DENND4B: variants seen among roughly 807,000 people sequenced by gnomAD.
DENND4B encodes DENN domain-containing protein 4B.
DENND4B carries 67 observed loss-of-function variants against 161.0 expected under a neutral mutation model. That is an observed-to-expected ratio of 0.42 (90% CI 0.34 to 0.51). The LOEUF is 0.51. Ranked by LOEUF, DENND4B falls within the 20% of genes least tolerant of loss-of-function variation. DENND4B has a pLI of 0.08. For synonymous variants in DENND4B, 753 were observed against 813.8 expected (o/e 0.93, Z 1.27); for missense variants, 1,481 against 1,968.0 (o/e 0.75, Z 4.68).
rs762550629 is a variant in DENND4B at position 153,942,906 on chromosome 1, C to T, written c.542G>A (p.Arg181Gln). The T allele has an allele frequency of 6.2e-6, 10 of 1,602,496 alleles. No homozygotes were observed. The highest frequency in any genetic ancestry group is 3.4e-5 in the Admixed American group (2 of 59,602). Residue 181 changes from arginine to glutamine, a missense_variant, in exon 3 of 28, where the codon CGG becomes CAG. Transcript: ENST00000361217. The surrounding 1 kb of genome is among the most constrained non-coding windows in gnomAD (Gnocchi z 6.9). The stretch of plus-strand genomic sequence containing the variant: ...GCCAGGGTTGAGGTTGCGGGGCAGC[C>T]GGCAGTAAGTATGAGGAGTGCCCTC... ...KGEGTPHTYC[R>Q]LPRNLNPGMW... is the part of the protein sequence containing the mutation.
Position 153,940,234 on chromosome 1 carries a change from A to G in DENND4B, c.1525T>C (p.Ser509Pro), listed in dbSNP as rs1679590711. ...GGTCTGCGGGGCAGGGTCCGAGGGG[A>G]GAGGAGCTTCTTTTCCTCAGTCCTG... Reference protein sequence around the residue: ...LFQTEEKKLLSPRTLPRRPYK... With the variant: ...LFQTEEKKLLPPRTLPRRPYK... The change falls in exon 11 of 28, where the codon TCC becomes CCC. Residue 509 changes from serine to proline, a missense_variant. Around this residue, in one of 3 missense-constraint regions of DENND4B, gnomAD observed 806 missense variants for 1,134.4 expected, o/e 0.71. Transcript: ENST00000361217. This position sits in a 1 kb window ranked among gnomAD's most constrained non-coding sequence, Gnocchi z 5.6. 2 of 1,600,960 alleles carry G rather than the reference A, an allele frequency of 1.2e-6. No homozygotes were observed. The highest frequency in any genetic ancestry group is 8.5e-7 in the Non-Finnish European group (1 of 1,174,480).
intron 1 of DENND4B, chr1:153,945,034 G>C (rs921826676): frequency 1.3e-5 from 16 of 1,219,000 alleles, no homozygotes; most frequent in Admixed American, 7.8e-5. Flanking sequence ...TAGGTAGCTC[G>C]TTAGATCCAA....
At chr1:153,941,779 T>TGG in intron 6 of DENND4B, 90 bp downstream of exon 6, 2 of 464,518 alleles carry the variant, frequency 4.3e-6, no homozygotes, top group Non-Finnish European at 7.7e-6. Flanking sequence ...TGCCCAGCCC[T>TGG]CCCCCCACCC....
Position 153,941,878 on chromosome 1 carries a change from G to C in DENND4B, c.1046C>G (p.Pro349Arg), listed in dbSNP as rs1679690532. ...GAGGAGCCATGCTCACGCTTCCAAG[G>C]GTAGGCGGTGGGGGCCTGAGACGGA... ...RYSVSGPHRL[P>R]LEAHISHFIH... The change falls in exon 6 of 28, where the codon CCC (proline) becomes CGC (arginine). Residue 349 changes from proline to arginine, a missense_variant. Physicochemically the swap from Pro to Arg is moderately radical, Grantham distance 103 (BLOSUM62 -2). This residue lies in a region of DENND4B where 806 missense variants were observed against 1,134.4 expected (regional missense o/e 0.71). Transcript: ENST00000361217. 6.2e-7 allele frequency: 1 copy of C among 1,611,802 alleles called. No individual in the cohort carries two copies. Among genetic ancestry groups the C allele is most frequent in the Non-Finnish European group, 8.5e-7 (1 of 1,179,772 alleles).
Position 153,944,358 on chromosome 1 carries a change from G to T in DENND4B, c.17C>A (p.Pro6His), listed in dbSNP as rs558237145. 4 of 1,607,080 alleles carry T rather than the reference G, an allele frequency of 2.5e-6. No homozygotes were observed. In the South Asian group the frequency reaches 4.4e-5, roughly 18 times the overall value. ...CACGAAGTAATCCACCAGCCGGGGG[G>T]GCCGCTCCTCCGCCATGGCCCCCCC... MAEER[P>H]PRLVDYFVVA... The change falls in exon 2 of 28, where the codon CCC (proline) becomes CAC (histidine). Residue 6 changes from proline (P) to histidine (H), a missense_variant. By Grantham distance (77) the Pro-to-His change is moderately conservative (BLOSUM62 -2). Transcript: ENST00000361217. The surrounding 1 kb of genome is among the most constrained non-coding windows in gnomAD (Gnocchi z 4.8).
rs1571025025 is a variant in DENND4B, at chr1:153,930,222, A to G, written c.*75T>C. The G allele has an allele frequency of 9.2e-6, 14 of 1,523,004 alleles. No homozygotes were observed. Among genetic ancestry groups the G allele is most frequent in the Non-Finnish European group, 1.2e-5 (14 of 1,129,378 alleles). The allele number at this position is 1,523,004 out of a possible 1,614,324, so 94.3% of individuals were successfully genotyped here. A position where few individuals can be genotyped will look rare whatever the true frequency, so the allele number is the denominator to read the frequency against. On this transcript the variant is annotated 3_prime_UTR_variant, in exon 28 of 28. Transcript: ENST00000361217. This position sits in a 1 kb window ranked among gnomAD's most constrained non-coding sequence, Gnocchi z 4.7. ...CTGTTCCCAACTCCATGAAGGCAAC[A>G]GGGAAGCAGTTTAACTCTAGAATCC...
Position 153,930,103 on chromosome 1 carries a change from A to C in DENND4B, c.*194T>G. ...CAACATCAGCACGAACAAACTGGGT[A>C]GGTTGGTGATGGGGGAATCAGGACT... On this transcript the variant is annotated 3_prime_UTR_variant, in exon 28 of 28. Transcript: ENST00000361217. The surrounding 1 kb of genome is among the most constrained non-coding windows in gnomAD (Gnocchi z 4.7). 1.4e-6 allele frequency: 1 copy of C among 692,232 alleles called. No individual in the cohort carries two copies. The highest frequency in any genetic ancestry group is 2.4e-6 in the Non-Finnish European group (1 of 424,814). The allele number at this position is 692,232 out of a possible 1,614,324, so 42.9% of individuals were successfully genotyped here. A position where few individuals can be genotyped will look rare whatever the true frequency, so the allele number is the denominator to read the frequency against.
chr1:153,944,201 G>A lies in DENND4B; in HGVS notation c.174C>T (p.Gly58=), dbSNP rs368014205. 2.2e-5 allele frequency: 35 copies of A among 1,610,394 alleles called. No individual in the cohort carries two copies. The highest frequency in any genetic ancestry group is 2.7e-5 in the Non-Finnish European group (32 of 1,178,342). Residue 58 remains glycine (G), a synonymous_variant, in exon 2 of 28, where the codon GGC becomes GGT. Transcript: ENST00000361217. The surrounding 1 kb of genome is among the most constrained non-coding windows in gnomAD (Gnocchi z 4.8). Reference sequence around the variant, plus strand: ...ATGTGTAGCCCTGGGGCACTTCCTCGCCCAGTGCCCTAGCGATGACTGCCA... The same window carrying A: ...ATGTGTAGCCCTGGGGCACTTCCTCACCCAGTGCCCTAGCGATGACTGCCA... ...TDVAVIARAL[G]EEVPQGYTCI... is the part of the protein sequence containing the mutation.
Position 153,940,584 on chromosome 1 carries a change from T to C in DENND4B, c.1349A>G (p.Gln450Arg). ...LVSMIFPLHW[Q>R]CPYIPLCPLV... Reference sequence around the variant, plus strand: ...CGGGCACAGAGGAATGTAGGGGCACTGCCAGTGCAGTGGGAAGATCATCTG... The same window carrying C: ...CGGGCACAGAGGAATGTAGGGGCACCGCCAGTGCAGTGGGAAGATCATCTG... The change falls in exon 10 of 28, where the codon CAG becomes CGG. Residue 450 changes from glutamine to arginine, a missense_variant. Transcript: ENST00000361217. The surrounding 1 kb of genome is among the most constrained non-coding windows in gnomAD (Gnocchi z 5.6). The C allele has an allele frequency of 6.2e-7, 1 of 1,613,128 alleles. No homozygotes were observed. The highest frequency in any genetic ancestry group is 8.5e-7 in the Non-Finnish European group (1 of 1,179,542).
intron 12 of DENND4B, among the ~76,000 whole-genome samples, chr1:153,939,280 G>GT (rs1312254829): frequency 4.0e-5 from 6 of 151,794 alleles, no homozygotes; most frequent in South Asian, 2.1e-4. Context: ...AGACTGGGGG[G>GT]GGTCTCCAAG....
In DENND4B at chr1:153,942,265, G is replaced by A. The variant is rs752439738; in HGVS notation, c.732C>T (p.Ile244=). 5 of 1,613,814 alleles carry A rather than the reference G, an allele frequency of 3.1e-6. No individual in the cohort carries two copies. Among genetic ancestry groups the A allele is most frequent in the Non-Finnish European group, 4.2e-6 (5 of 1,179,880 alleles). ...PVFCLPMGAT[I]ECWPAQTKYP... is the part of the protein sequence containing the mutation. ...ACTTGGTCTGGGCAGGCCAGCACTC[G>A]ATAGTGGCCCCCATGGGCAGGCAGA... is the stretch of plus-strand genomic sequence containing the variant. Residue 244 remains isoleucine (I), a synonymous_variant, in exon 5 of 28, where the codon ATC becomes ATT. Coordinates refer to ENST00000361217, the MANE Select transcript of DENND4B (RefSeq NM_014856.3). The surrounding 1 kb of genome is among the most constrained non-coding windows in gnomAD (Gnocchi z 6.9).
At chr1:153,938,551 A>G (rs536506362) in intron 13 of DENND4B, among the ~76,000 whole-genome samples, 1 of 151,530 alleles carries the variant, frequency 6.6e-6, no homozygotes, top group African/African-American at 2.4e-5. Context: ...AAATACAAAA[A>G]ATTAGCCAGG....
chr1:153,939,712 C>T lies in DENND4B; in HGVS notation c.1696G>A (p.Val566Ile). 3 of 1,613,994 alleles carry T rather than the reference C, an allele frequency of 1.9e-6. No individual in the cohort carries two copies. The highest frequency in any genetic ancestry group is 2.5e-6 in the Non-Finnish European group (3 of 1,179,892). The part of the protein sequence containing the change: ...CGRRARLERE[V>I]QGAFLRFMAC... ...ATGAAGCGGAGGAAGGCTCCTTGGA[C>T]TTCGCGCTCCAGCCGGGCCCTGCGG... The change falls in exon 12 of 28, where the codon GTC becomes ATC. Residue 566 changes from valine (V) to isoleucine (I), a missense_variant. Around this residue, in one of 3 missense-constraint regions of DENND4B, gnomAD observed 806 missense variants for 1,134.4 expected, o/e 0.71. Transcript: ENST00000361217.
At position 153,934,441 on chromosome 1, in the gene DENND4B, G is replaced by GTTTGT. The variant is rs1389570208; in HGVS notation, c.2774-144_2774-140dup. The GTTTGT allele has an allele frequency of 4.7e-6, 6 of 1,271,932 alleles. No homozygotes were observed. Among genetic ancestry groups the GTTTGT allele is most frequent in the Non-Finnish European group, 6.4e-6 (6 of 933,152 alleles). 78.8% of individuals were successfully genotyped at this position (1,271,932 alleles called of 1,614,324 possible). A position where few individuals can be genotyped will look rare whatever the true frequency, so the allele number is the denominator to read the frequency against. ...TTATCCGTTTTGTGTTTGTTTGTTT[G>GTTTGT]TTTGTTTTGTTTTGTTTTTTGAGAT... On this transcript the variant is annotated intron_variant, in intron 18 of 27. Transcript: ENST00000361217. This position sits in a 1 kb window ranked among gnomAD's most constrained non-coding sequence, Gnocchi z 5.3.
intron 6 of DENND4B, 94 bp downstream of exon 6, chr1:153,941,775 G>GGGGGC: frequency 3.7e-6 from 5 of 1,338,174 alleles, no homozygotes; most frequent in Non-Finnish European, 5.1e-6. Context: ...CCTGTGCCCA[G>GGGGGC]CCCTCCCCCC....
At position 153,932,236 on chromosome 1, in the gene DENND4B, G is replaced by A. The variant is rs749142494; in HGVS notation, c.3964C>T (p.Leu1322=). Residue 1322 remains leucine (L), a synonymous_variant, in exon 24 of 28, where the codon CTG becomes TTG. Coordinates refer to ENST00000361217, the MANE Select transcript of DENND4B (RefSeq NM_014856.3). This position sits in a 1 kb window ranked among gnomAD's most constrained non-coding sequence, Gnocchi z 5.8. ...RLPSILPGLV[L]ASCDGPSHSQ... The stretch of plus-strand genomic sequence containing the variant: ...TGCGAAGGCCCATCACAGGAGGCCA[G>A]CACCAGGCCTGGTAGAATACTGGGC... The A allele has an allele frequency of 6.2e-7, 1 of 1,613,986 alleles. No homozygotes were observed. The highest frequency in any genetic ancestry group is 2.2e-5 in the East Asian group (1 of 44,874).
rs1160403009 is a variant in DENND4B at position 153,942,021 on chromosome 1, C to T, written c.903G>A (p.Val301=). 1 of 1,611,474 alleles carries T rather than the reference C, an allele frequency of 6.2e-7. No individual in the cohort carries two copies. The highest frequency in any genetic ancestry group is 8.5e-7 in the Non-Finnish European group (1 of 1,178,994). ...QARALGLLSA[V]ERGRALGGRA... is the part of the protein sequence containing the mutation. ...TGCCCCCCAGTGCCCGACCCCGCTC[C>T]ACGGCGCTCAGCAGGCCCAGTGCCC... is the stretch of plus-strand genomic sequence containing the variant. The change falls in exon 6 of 28, where the codon GTG becomes GTA. Residue 301 remains valine, a synonymous_variant. Coordinates refer to ENST00000361217, the MANE Select transcript of DENND4B (RefSeq NM_014856.3). This position sits in a 1 kb window ranked among gnomAD's most constrained non-coding sequence, Gnocchi z 6.9.
chr1:153,935,144 C>T, intron 17 of DENND4B, 180 bp from the exon 18 acceptor site: 2 of 1,293,090 alleles, frequency 1.5e-6, no homozygotes, highest in Middle Eastern at 5.2e-4. Context: ...CAGCAGCTGC[C>T]TCCCAAGGGG....
Position 153,933,549 on chromosome 1 carries a change from TG to T in DENND4B, c.3263del (p.Pro1088GlnfsTer42). 6.5e-7 allele frequency: 1 copy of T among 1,547,700 alleles called. No homozygotes were observed. The part of the protein sequence containing the change: ...PPELPPDLPP[P>X]ARRSPMDSLL... ...GACTGTCCATGGGGCTGCGGCGGGC[TG>T]GGGGTGGCAGGTCAGGAGGCAGCTC... is the stretch of plus-strand genomic sequence containing the variant. On this transcript the variant is annotated frameshift_variant, in exon 20 of 28. Coordinates refer to ENST00000361217, the MANE Select transcript of DENND4B (RefSeq NM_014856.3). LOFTEE classifies it high-confidence loss of function. This position sits in a 1 kb window ranked among gnomAD's most constrained non-coding sequence, Gnocchi z 5.7.
Sources: allele counts gnomAD v4.1 joint callset (sites outside exome capture counted in the v4.1 genomes callset), GRCh38; gene constraint gnomAD v4.1.1; regional missense constraint gnomAD v4.1.1; non-coding constraint Gnocchi (gnomAD v3.1); transcripts MANE v1.5; gene names NCBI Gene and HGNC (gene_info 2026-07-23, HGNC 2026-07-21).